Variants in NF2 observed in about 807,000 individuals in gnomAD.
NF2 encodes the protein NF2, moesin-ezrin-radixin like (MERLIN) tumor suppressor, also known as merlin.
A neutral mutation model predicts 83.7 loss-of-function variants in NF2; 8 were observed. That is an observed-to-expected ratio of 0.10 (90% CI 0.06 to 0.17). The LOEUF (loss-of-function observed/expected upper bound fraction) is 0.17. Ranked by LOEUF, NF2 falls within the 10% of genes least tolerant of loss-of-function variation. The probability of loss-of-function intolerance (pLI) is 1.00; values close to 1 mark genes in which losing one functional copy is unlikely to be tolerated. For synonymous variants in NF2, 266 were observed against 269.6 expected (o/e 0.99, Z 0.13); for missense variants, 533 against 744.4 (o/e 0.72, Z 3.31).
intron 15 of NF2, among the ~76,000 whole-genome samples, chr22:29,685,939 TACTC>T (rs1221714200): frequency 6.6e-6 from 1 of 151,838 alleles, no homozygotes; most frequent in African/African-American, 2.4e-5. Flanking sequence ...CTATAATTCT[TACTC>T]GCTCGCTCTC....
intron 15 of NF2, among the ~76,000 whole-genome samples, chr22:29,689,779 A>G (rs951570290): frequency 5.9e-5 from 9 of 152,016 alleles, no homozygotes; most frequent in Non-Finnish European, 1.0e-4. Context: ...GTCTCCCCCA[A>G]CCTTCCCTTG....
chr22:29,631,062 C>CTG (rs2065496972), intron 1 of NF2, among the ~76,000 whole-genome samples: 1 of 152,222 alleles, frequency 6.6e-6, no homozygotes, highest in African/African-American at 2.4e-5. Context: ...AGTGACTGAA[C>CTG]AACCCAGTTC....
chr22:29,685,955 CTT>C (rs35000328), intron 15 of NF2, among the ~76,000 whole-genome samples: 217 of 147,232 alleles, frequency 1.5e-3, no homozygotes, highest in Non-Finnish European at 2.4e-3. Flanking sequence ...CTCGCTCTCT[CTT>C]TTTTTTTTTT....
chr22:29,650,080 G>T (rs2066102000), intron 4 of NF2, among the ~76,000 whole-genome samples: 1 of 152,104 alleles, frequency 6.6e-6, no homozygotes, highest in African/African-American at 2.4e-5. Flanking sequence ...GAAATTAGAA[G>T]TGATGGCTAG....
intron 10 of NF2, among the ~76,000 whole-genome samples, chr22:29,671,509 AC>A: frequency 6.6e-6 from 1 of 152,248 alleles, no homozygotes; most frequent in East Asian, 1.9e-4. Context: ...AGCCTGGGTG[AC>A]AGAGCAAAAC....
chr22:29,683,962 C>T (rs928738421), intron 15 of NF2: 7 of 1,004,846 alleles, frequency 7.0e-6, no homozygotes, highest in Non-Finnish European at 8.4e-6. Flanking sequence ...AGCCCCACAC[C>T]ACCTGACAGC....
intron 1 of NF2, among the ~76,000 whole-genome samples, chr22:29,630,460 A>G (rs998871238): frequency 3.9e-5 from 6 of 152,254 alleles, no homozygotes; most frequent in Non-Finnish European, 5.9e-5. Context: ...GCACAAGTAT[A>G]TATCTATGAA....
At chr22:29,666,757 A>G (rs989357465) in intron 9 of NF2, among the ~76,000 whole-genome samples, 2 of 152,128 alleles carry the variant, frequency 1.3e-5, no homozygotes, top group African/African-American at 2.4e-5. Flanking sequence ...CAGGCGGATC[A>G]CCTGAGGTCA....
intron 10 of NF2, among the ~76,000 whole-genome samples, chr22:29,670,417 G>A (rs956771445): frequency 1.3e-5 from 2 of 151,758 alleles, no homozygotes; most frequent in Non-Finnish European, 2.9e-5. Context: ...GAACAAATTG[G>A]CCAAGCTTTT....
intron 15 of NF2, among the ~76,000 whole-genome samples, chr22:29,682,744 G>A (rs144271692): frequency 6.6e-6 from 1 of 152,202 alleles, no homozygotes; most frequent in Non-Finnish European, 1.5e-5. Context: ...TAAATGAACT[G>A]CCTCAGACAC....
chr22:29,667,296 G>A (rs1187126276), intron 9 of NF2, among the ~76,000 whole-genome samples: 2 of 151,688 alleles, frequency 1.3e-5, no homozygotes, highest in Admixed American at 1.3e-4. Context: ...GAAATGTAAT[G>A]ACACGATCAT....
At chr22:29,666,549 C>T (rs1249991820) in intron 9 of NF2, among the ~76,000 whole-genome samples, 1 of 152,162 alleles carries the variant, frequency 6.6e-6, no homozygotes, top group African/African-American at 2.4e-5. Flanking sequence ...GGTGGGGTGG[C>T]TCACGCCTGT....
chr22:29,674,824 CT>C lies in NF2; in HGVS notation c.1341-9del. On this transcript the variant is annotated splice_polypyrimidine_tract_variant and intron_variant, in intron 12 of 15. Transcript: ENST00000338641. ...TCTTCTGTGAAGCTGACATCTCATC[CT>C]TTCCTTGCAGGGCCAAAGAGGCAGA... The C allele has an allele frequency of 6.4e-7, 1 of 1,552,660 alleles. No homozygotes were observed. Among genetic ancestry groups the C allele is most frequent in the Non-Finnish European group, 8.7e-7 (1 of 1,147,266 alleles).
intron 9 of NF2, among the ~76,000 whole-genome samples, chr22:29,665,987 G>T (rs1453625317): frequency 6.6e-6 from 1 of 151,940 alleles, no homozygotes; most frequent in East Asian, 1.9e-4. Context: ...TTATCTAAAT[G>T]CTGTCAAGTA....
rs763999804 is a variant in NF2 at position 29,636,883 on chromosome 22, C to G, written c.240+7C>G. ...GCTCAAAATGGACAAGAAGGTTGGG[C>G]TAGAACTCGATGAAACTGGTGGGGC... On this transcript the variant is annotated splice_region_variant and intron_variant, in intron 2 of 15. Transcript: ENST00000338641. The surrounding 1 kb of genome is among the most constrained non-coding windows in gnomAD (Gnocchi z 4.4). 6.2e-7 allele frequency: 1 copy of G among 1,614,000 alleles called. No homozygotes were observed. Among genetic ancestry groups the G allele is most frequent in the Non-Finnish European group, 8.5e-7 (1 of 1,180,034 alleles).
intron 15 of NF2, among the ~76,000 whole-genome samples, chr22:29,682,060 T>C (rs1476991712): frequency 6.6e-6 from 1 of 152,208 alleles, no homozygotes; most frequent in South Asian, 2.1e-4. Flanking sequence ...AAAGGAAGTG[T>C]CTAGGAAAGA....
At chr22:29,668,247 C>T (rs2066681689) in intron 9 of NF2, 86 bp from the exon 10 acceptor site, 2 of 937,398 alleles carry the variant, frequency 2.1e-6, no homozygotes, top group Non-Finnish European at 3.5e-6. Context: ...CCTGCAAGAG[C>T]TCAAACTGCT....
intron 2 of NF2, 98 bp from the exon 3 acceptor site, chr22:29,638,992 A>G (rs2065723623): frequency 5.8e-6 from 9 of 1,555,344 alleles, no homozygotes; most frequent in South Asian, 2.3e-5. Context: ...ATTTAGTGGG[A>G]AAAAAATTTA....
chr22:29,624,243 T>C (rs2065285216), intron 1 of NF2, among the ~76,000 whole-genome samples: 2 of 152,228 alleles, frequency 1.3e-5, no homozygotes, highest in Non-Finnish European at 2.9e-5. Context: ...AATCTCCCTC[T>C]GTTGCCCAGG....
Sources: allele counts gnomAD v4.1 joint callset (sites outside exome capture counted in the v4.1 genomes callset), GRCh38; gene constraint gnomAD v4.1.1; non-coding constraint Gnocchi (gnomAD v3.1); transcripts MANE v1.5; gene names NCBI Gene and HGNC (gene_info 2026-07-23, HGNC 2026-07-21).